CLSTN2: variants seen among roughly 807,000 people sequenced by gnomAD.
The protein encoded by CLSTN2 is calsyntenin-2.
CLSTN2 carries 48 observed loss-of-function variants against 101.2 expected under a neutral mutation model. The ratio of observed to expected loss-of-function variants is 0.47; its 90% CI spans 0.38 to 0.60. CLSTN2 has a LOEUF of 0.60. Ranked by LOEUF, CLSTN2 falls within the 20% of genes least tolerant of loss-of-function variation. CLSTN2 has a pLI of 0.00. For missense variants in CLSTN2, 1,160 were observed against 1,238.2 expected, an observed-to-expected ratio of 0.94 and a Z score of 0.95; for synonymous variants, 481 against 463.6, an observed-to-expected ratio of 1.04 and a Z score of -0.48.
chr3:140,236,398 T>C (rs1346645924), intron 2 of CLSTN2, among the ~76,000 whole-genome samples: 1 of 152,210 alleles, frequency 6.6e-6, no homozygotes, highest in South Asian at 2.1e-4. Flanking sequence ...TTTTTATGGC[T>C]AATTTAAAAC....
intron 4 of CLSTN2, among the ~76,000 whole-genome samples, chr3:140,409,505 C>T (rs1227157652): frequency 6.6e-6 from 1 of 152,188 alleles, no homozygotes; most frequent in Admixed American, 6.5e-5. Context: ...TGCCACAGTG[C>T]TCTCCAGCAT....
intron 6 of CLSTN2, among the ~76,000 whole-genome samples, chr3:140,452,291 C>T (rs1211038649): frequency 6.6e-6 from 1 of 151,976 alleles, no homozygotes; most frequent in Non-Finnish European, 1.5e-5. Flanking sequence ...GGTCAGGGCA[C>T]CTGCTTTGGT....
chr3:140,139,930 G>T (rs1469989782), intron 1 of CLSTN2, among the ~76,000 whole-genome samples: 1 of 152,174 alleles, frequency 6.6e-6, no homozygotes, highest in Middle Eastern at 3.2e-3. Flanking sequence ...GCAGATGAAG[G>T]TCATTTCTTT....
chr3:139,998,945 G>A (rs2006756609), intron 1 of CLSTN2, among the ~76,000 whole-genome samples: 1 of 152,030 alleles, frequency 6.6e-6, no homozygotes, highest in Non-Finnish European at 1.5e-5. Flanking sequence ...CCTCTGATGG[G>A]AAGAGCAGGA....
chr3:140,471,465 T>C (rs1933846636), intron 8 of CLSTN2, among the ~76,000 whole-genome samples: 1 of 152,080 alleles, frequency 6.6e-6, no homozygotes, highest in Non-Finnish European at 1.5e-5. Flanking sequence ...CTCTGAAAAA[T>C]TGCAACAAGC....
At chr3:140,444,765 G>A (rs1933036790) in intron 5 of CLSTN2, among the ~76,000 whole-genome samples, 1 of 152,204 alleles carries the variant, frequency 6.6e-6, no homozygotes, top group South Asian at 2.1e-4. Flanking sequence ...GAGGCTCACG[G>A]AGCATACATG....
chr3:140,433,457 G>A (rs553925011), intron 5 of CLSTN2, among the ~76,000 whole-genome samples: 16 of 152,342 alleles, frequency 1.1e-4, no homozygotes, highest in South Asian at 4.1e-4. Flanking sequence ...ATGGACCTGG[G>A]TCTGTCCCTG....
intron 1 of CLSTN2, among the ~76,000 whole-genome samples, chr3:140,144,090 A>G (rs2009745104): frequency 6.6e-6 from 1 of 152,244 alleles, no homozygotes; most frequent in Non-Finnish European, 1.5e-5. Flanking sequence ...CCCAAATCAC[A>G]TGAAAAGCAT....
chr3:140,540,394 C>G (rs979762859), intron 9 of CLSTN2, among the ~76,000 whole-genome samples: 5 of 152,184 alleles, frequency 3.3e-5, no homozygotes, highest in Admixed American at 6.5e-5. Flanking sequence ...GTGAGCATCC[C>G]CCGGGATTGT....
In CLSTN2 at chr3:140,176,059, C is replaced by T. The variant is rs749946898; in HGVS notation, c.218C>T (p.Pro73Leu). ...CTGGTAGCCCTGGATAAAGATGCAC[C>T]GGTTCCTTTTGCAGGTGAGATTATG... Reference protein sequence around the residue: ...PPLVALDKDAPVPFAGEICAF... With the variant: ...PPLVALDKDALVPFAGEICAF... The change falls in exon 2 of 17, where the codon CCG becomes CTG. Residue 73 changes from proline to leucine, a missense_variant. By Grantham distance (98) the Pro-to-Leu change is moderately conservative. Coordinates refer to ENST00000458420, the MANE Select transcript of CLSTN2 (RefSeq NM_022131.3). 1.3e-5 allele frequency: 21 copies of T among 1,613,596 alleles called. No homozygotes were observed. Among genetic ancestry groups the T allele is most frequent in the South Asian group, 5.5e-5 (5 of 91,034 alleles).
At chr3:140,341,337 G>T (rs950710862) in intron 2 of CLSTN2, among the ~76,000 whole-genome samples, 1 of 152,154 alleles carries the variant, frequency 6.6e-6, no homozygotes, top group Non-Finnish European at 1.5e-5. Context: ...TTTGGCCACT[G>T]GCCTTGATTC....
At chr3:140,334,314 A>G (rs919585313) in intron 2 of CLSTN2, among the ~76,000 whole-genome samples, 1 of 152,236 alleles carries the variant, frequency 6.6e-6, no homozygotes, top group Non-Finnish European at 1.5e-5. Flanking sequence ...AGCCACTGAG[A>G]AATGACACAT....
At chr3:140,289,645 A>G (rs919098927) in intron 2 of CLSTN2, among the ~76,000 whole-genome samples, 8 of 152,104 alleles carry the variant, frequency 5.3e-5, no homozygotes, top group Admixed American at 1.3e-4. Context: ...TTAACAGACA[A>G]TGGGTGACTT....
At position 140,419,494 on chromosome 3, in the gene CLSTN2, A is replaced by AAT. The variant is rs1267365472; in HGVS notation, c.638-1613_638-1612dup. Among the ~76,000 whole-genome samples the AAT allele has an allele frequency of 1.8e-3, 99 of 55,010 alleles. 24 individuals are homozygous for AAT. Among genetic ancestry groups the AAT allele is most frequent in the Admixed American group, 2.5e-3 (16 of 6,440 alleles). 36.1% of individuals were successfully genotyped at this position (55,010 alleles called of 152,430 possible). ...CCAGACTCTGTCTCAAAAAAAAAAA[A>AAT]ATATATATATATATATATACACACA... On this transcript the variant is annotated intron_variant, in intron 4 of 16. Transcript: ENST00000458420.
chr3:140,246,664 G>A (rs540321337), intron 2 of CLSTN2, among the ~76,000 whole-genome samples: 2 of 152,290 alleles, frequency 1.3e-5, no homozygotes, highest in South Asian at 2.1e-4. Context: ...TTTTCTTAAA[G>A]TTTCAACAGA....
Position 140,441,845 on chromosome 3 carries a change from G to A in CLSTN2, c.788-6674G>A, listed in dbSNP as rs1002127165. ...GGTCCTTGTCTTCTGGCTCCAAAGT[G>A]CCTCACACTACACCAGGGCCCCATG... On this transcript the variant is annotated intron_variant, in intron 5 of 16. Coordinates refer to ENST00000458420, the MANE Select transcript of CLSTN2 (RefSeq NM_022131.3). 1.2e-4 allele frequency among the ~76,000 whole-genome samples: 18 copies of A among 152,268 alleles called. No individual in the cohort carries two copies. In the East Asian group the frequency reaches 3.5e-3, roughly 29 times the overall value.
chr3:140,262,581 C>G (rs1409691864), intron 2 of CLSTN2, among the ~76,000 whole-genome samples: 1 of 151,976 alleles, frequency 6.6e-6, no homozygotes, highest in African/African-American at 2.4e-5. Context: ...TTTCATGGGG[C>G]CCATAGATTA....
chr3:140,019,632 A>G (rs1303397704), intron 1 of CLSTN2, among the ~76,000 whole-genome samples: 1 of 152,176 alleles, frequency 6.6e-6, no homozygotes, highest in East Asian at 1.9e-4. Context: ...GAGTCACTGA[A>G]GAGTTTAAAG....
chr3:139,941,693 G>A (rs181483740), intron 1 of CLSTN2, among the ~76,000 whole-genome samples: 61 of 152,320 alleles, frequency 4.0e-4, no homozygotes, highest in African/African-American at 1.5e-3. Context: ...GTAAGCATAT[G>A]TCAGGGGCAG....
Sources: gnomAD v4.1 joint callset for allele counts (sites outside exome capture counted in the v4.1 genomes callset) on GRCh38, gnomAD v4.1.1 for gene constraint, MANE v1.5 for transcripts, NCBI Gene and HGNC (gene_info 2026-07-23, HGNC 2026-07-21) for gene names.